VPS13B: variants seen among roughly 807,000 people sequenced by gnomAD.
VPS13B encodes intermembrane lipid transfer protein VPS13B.
A neutral mutation model predicts 426.4 loss-of-function variants in VPS13B; 285 were observed. That is an observed-to-expected ratio of 0.67 (90% CI 0.61 to 0.74). The LOEUF (loss-of-function observed/expected upper bound fraction) is 0.74, where lower values mean the gene tolerates loss of function less well. Among genes scored for constraint, VPS13B ranks in the 30% least tolerant of loss-of-function variants. VPS13B has a pLI of 0.00. For synonymous variants in VPS13B, 1,676 were observed against 1,676.4 expected (o/e 1.00, Z 0.01); for missense variants, 4,537 against 4,782.6 (o/e 0.95, Z 1.51).
Position 99,859,248 on chromosome 8 carries a change from T to C in VPS13B, c.10868-56T>C, listed in dbSNP as rs117709551. 8.9e-3 allele frequency: 14,284 copies of C among 1,607,772 alleles called. 87 individuals are homozygous for C. Among genetic ancestry groups the C allele is most frequent in the Non-Finnish European group, 9.8e-3 (11,489 of 1,176,098 alleles). On this transcript the variant is annotated intron_variant, in intron 56 of 61. Transcript: ENST00000357162. ...GGAAAATGGGTCACTTTTTCACAAA[T>C]GTTGAAAGTTCTGCATTTGAGGTTT...
chr8:99,214,762 A>G (rs554124382), intron 17 of VPS13B, among the ~76,000 whole-genome samples: 7 of 152,152 alleles, frequency 4.6e-5, no homozygotes, highest in South Asian at 2.1e-4. Flanking sequence ...CATCCAATCT[A>G]TTGTCTATTT....
At chr8:99,608,450 C>A (rs1294418367) in intron 33 of VPS13B, among the ~76,000 whole-genome samples, 3 of 152,036 alleles carry the variant, frequency 2.0e-5, no homozygotes, top group African/African-American at 7.2e-5. Flanking sequence ...GGCCTATCCA[C>A]ATTATTGACT....
chr8:99,368,914 T>C (rs1195336676), intron 19 of VPS13B, among the ~76,000 whole-genome samples: 1 of 152,240 alleles, frequency 6.6e-6, no homozygotes, highest in Non-Finnish European at 1.5e-5. Context: ...AAACTACTCA[T>C]GTTCCTGAAC....
intron 36 of VPS13B, among the ~76,000 whole-genome samples, chr8:99,708,333 C>G (rs977402431): frequency 6.6e-6 from 1 of 152,108 alleles, no homozygotes; most frequent in African/African-American, 2.4e-5. Flanking sequence ...TTCATTTTTC[C>G]AGGATCCTAG....
At chr8:99,661,600 T>C in intron 35 of VPS13B, 109 bp downstream of exon 35, 9 of 1,370,014 alleles carry the variant, frequency 6.6e-6, no homozygotes, top group South Asian at 1.2e-5. Context: ...AATGAATAGT[T>C]CATTTTTTCC....
chr8:99,835,748 C>T lies in VPS13B; in HGVS notation c.9942+10C>T. ...CAGTCAGGGAACACAGGTCAGTGAG[C>T]CATGTGTTCCTGCCAAGACCCAAAG... On this transcript the variant is annotated intron_variant, in intron 54 of 61. Transcript: ENST00000357162. 1 of 1,613,744 alleles carries T rather than the reference C, an allele frequency of 6.2e-7. No homozygotes were observed. Among genetic ancestry groups the T allele is most frequent in the Non-Finnish European group, 8.5e-7 (1 of 1,179,730 alleles).
At chr8:99,543,263 A>G (rs531159032) in intron 30 of VPS13B, among the ~76,000 whole-genome samples, 5 of 152,358 alleles carry the variant, frequency 3.3e-5, no homozygotes, top group African/African-American at 1.2e-4. Flanking sequence ...AGCCATATGT[A>G]GAAAGCTGAA....
At chr8:99,169,141 T>C (rs1812183214) in intron 15 of VPS13B, among the ~76,000 whole-genome samples, 5 of 152,012 alleles carry the variant, frequency 3.3e-5, no homozygotes, top group African/African-American at 9.7e-5. Context: ...AAGTCAGTGC[T>C]TTATAAACCC....
intron 13 of VPS13B, among the ~76,000 whole-genome samples, chr8:99,146,852 G>A (rs1691105499): frequency 6.6e-6 from 1 of 152,118 alleles, no homozygotes; most frequent in African/African-American, 2.4e-5. Context: ...TTATAGGCAT[G>A]AACCACTGTG....
intron 51 of VPS13B, 88 bp downstream of exon 51, chr8:99,824,066 A>C (rs1295399932): frequency 1.4e-6 from 2 of 1,478,242 alleles, no homozygotes; most frequent in African/African-American, 2.8e-5. Context: ...TAGCAAATGA[A>C]AAGCTAACCC....
chr8:99,363,359 G>A (rs919140284), intron 19 of VPS13B, among the ~76,000 whole-genome samples: 16 of 152,078 alleles, frequency 1.1e-4, no homozygotes, highest in Non-Finnish European at 1.5e-5. Context: ...CCTGTGCCAT[G>A]TTATTTTGTT....
intron 19 of VPS13B, among the ~76,000 whole-genome samples, chr8:99,309,123 C>G (rs1231781108): frequency 6.6e-6 from 1 of 152,024 alleles, no homozygotes; most frequent in African/African-American, 2.4e-5. Context: ...TTCTCCCATT[C>G]TGTAGGTTGC....
intron 39 of VPS13B, among the ~76,000 whole-genome samples, chr8:99,737,151 C>T (rs1366543548): frequency 1.3e-4 from 13 of 97,108 alleles, no homozygotes; most frequent in South Asian, 3.7e-4. Flanking sequence ...GACAGAGTCT[C>T]GCTCTGTCGC....
intron 21 of VPS13B, among the ~76,000 whole-genome samples, chr8:99,399,900 A>G (rs1255941531): frequency 4.6e-5 from 7 of 152,302 alleles, no homozygotes; most frequent in African/African-American, 1.7e-4. Flanking sequence ...TAACATACAT[A>G]TAATGTCCTA....
At chr8:99,618,591 G>A (rs948699202) in intron 33 of VPS13B, among the ~76,000 whole-genome samples, 1 of 152,116 alleles carries the variant, frequency 6.6e-6, no homozygotes, top group Admixed American at 6.6e-5. Flanking sequence ...TTGTTCACAA[G>A]GGAAAGTCTA....
At chr8:99,728,702 T>C (rs1250792152) in intron 39 of VPS13B, among the ~76,000 whole-genome samples, 2 of 152,204 alleles carry the variant, frequency 1.3e-5, no homozygotes, top group Admixed American at 1.3e-4. Flanking sequence ...CCCACAGTTA[T>C]GGTTAGTGGA....
chr8:99,520,019 A>G (rs895348292), intron 29 of VPS13B, among the ~76,000 whole-genome samples: 2 of 152,188 alleles, frequency 1.3e-5, no homozygotes, highest in African/African-American at 4.8e-5. Context: ...CTTAGAAAAG[A>G]CATTGAATTC....
At chr8:99,192,595 G>C (rs1421254581) in intron 16 of VPS13B, among the ~76,000 whole-genome samples, 1 of 152,124 alleles carries the variant, frequency 6.6e-6, no homozygotes, top group Non-Finnish European at 1.5e-5. Flanking sequence ...TTTTACTCAG[G>C]ATGATTGCCT....
chr8:99,507,727 T>A, intron 28 of VPS13B: 1 of 1,613,724 alleles, frequency 6.2e-7, no homozygotes, highest in Non-Finnish European at 8.5e-7. Flanking sequence ...CTTTTATTGC[T>A]TTTTGTCTTT....
Sources: gnomAD v4.1 joint callset for allele counts (sites outside exome capture counted in the v4.1 genomes callset) on GRCh38, gnomAD v4.1.1 for gene constraint, MANE v1.5 for transcripts, NCBI Gene and HGNC (gene_info 2026-07-23, HGNC 2026-07-21) for gene names.